ASCC1: variants seen among roughly 807,000 people sequenced by gnomAD.
ASCC1 encodes the protein ASC-1 complex subunit P50.
A neutral mutation model predicts 46.6 loss-of-function variants in ASCC1; 35 were observed. The ratio of observed to expected loss-of-function variants is 0.75; its 90% confidence interval spans 0.57 to 0.99. The LOEUF is 0.99. ASCC1 is among the 50% of genes least tolerant of loss of function. ASCC1 has a pLI of 0.00. For synonymous variants in ASCC1, 143 were observed against 146.6 expected (o/e 0.98, Z 0.18); for missense variants, 376 against 428.7 (o/e 0.88, Z 1.09).
intron 7 of ASCC1, among the ~76,000 whole-genome samples, chr10:72,145,548 G>A (rs1350104648): frequency 6.6e-6 from 1 of 152,180 alleles, no homozygotes; most frequent in Non-Finnish European, 1.5e-5. Flanking sequence ...ATTCCTTAGA[G>A]AAGCTTTCCT....
intron 5 of ASCC1, among the ~76,000 whole-genome samples, chr10:72,162,942 C>CAAAAAAAAA (rs34656757): frequency 1.4e-5 from 2 of 143,590 alleles, no homozygotes; most frequent in Admixed American, 6.8e-5. Context: ...GACTCTGTCT[C>CAAAAAAAAA]AAAAAAAAAG....
intron 5 of ASCC1, among the ~76,000 whole-genome samples, chr10:72,183,044 C>CTTT (rs1359356933): frequency 3.0e-5 from 4 of 135,390 alleles, no homozygotes; most frequent in South Asian, 2.4e-4. Context: ...CAAAAAATTT[C>CTTT]TTTTTTTTTT....
chr10:72,186,884 T>C (rs1489432740), intron 5 of ASCC1, among the ~76,000 whole-genome samples: 3 of 146,468 alleles, frequency 2.0e-5, no homozygotes, highest in Non-Finnish European at 4.5e-5. Flanking sequence ...GTTTGTTCCC[T>C]GTCAGCCATG....
chr10:72,106,339 T>C (rs182153417), intron 9 of ASCC1, among the ~76,000 whole-genome samples: 4 of 152,352 alleles, frequency 2.6e-5, no homozygotes, highest in Admixed American at 2.6e-4. Context: ...AATTCAAGTA[T>C]TTAGAAGGAT....
chr10:72,119,312 T>G (rs955888648), intron 9 of ASCC1, among the ~76,000 whole-genome samples: 1 of 152,216 alleles, frequency 6.6e-6, no homozygotes, highest in African/African-American at 2.4e-5. Flanking sequence ...GGAGAAACTA[T>G]TTTACCAGAG....
intron 7 of ASCC1, among the ~76,000 whole-genome samples, chr10:72,149,002 C>T (rs1444193593): frequency 6.6e-6 from 1 of 152,098 alleles, no homozygotes; most frequent in African/African-American, 2.4e-5. Context: ...ATCAAAACAA[C>T]ATATCACAAT....
At chr10:72,203,300 A>G in intron 4 of ASCC1, 127 bp downstream of exon 4, 1 of 791,170 alleles carries the variant, frequency 1.3e-6, no homozygotes. Context: ...AAAAAAAAAA[A>G]AGAAAAGAAA....
At position 72,156,302 on chromosome 10, in the gene ASCC1, C is replaced by T. The variant is rs147023098; in HGVS notation, c.627-3314G>A. 8.8e-3 allele frequency among the ~76,000 whole-genome samples: 1,340 copies of T among 152,234 alleles called. 16 individuals are homozygous for T. The highest frequency in any genetic ancestry group is 0.031 in the African/African-American group (1,271 of 41,532). On this transcript the variant is annotated intron_variant, in intron 6 of 9. Transcript: ENST00000672957. ...ATAATTGAAGCTTTCTGAGGCCTCCCGAGAAGCCGAGCATGCTTCTTGCAA... is the reference window on the plus strand; with the variant it reads ...ATAATTGAAGCTTTCTGAGGCCTCCTGAGAAGCCGAGCATGCTTCTTGCAA...
At chr10:72,196,761 C>A (rs1195625641) in intron 5 of ASCC1, 50 bp downstream of exon 5, 1 of 1,540,792 alleles carries the variant, frequency 6.5e-7, no homozygotes, top group Non-Finnish European at 8.8e-7. Context: ...TTTTTGTATT[C>A]TTTTTATATT....
intron 2 of ASCC1, among the ~76,000 whole-genome samples, 175 bp from the exon 3 acceptor site, chr10:72,211,006 A>G (rs1858012398): frequency 6.6e-6 from 1 of 152,216 alleles, no homozygotes; most frequent in Admixed American, 6.6e-5. Context: ...ACCCGATCGT[A>G]TAGGAAATAA....
intron 5 of ASCC1, chr10:72,190,661 C>A (rs1484490269): frequency 5.6e-6 from 4 of 708,986 alleles, no homozygotes; most frequent in Non-Finnish European, 9.1e-6. Flanking sequence ...TCTGTTAAAG[C>A]TAGTCTGCAA....
chr10:72,131,354 G>C (rs1845564571), intron 8 of ASCC1, among the ~76,000 whole-genome samples: 1 of 152,006 alleles, frequency 6.6e-6, no homozygotes, highest in Admixed American at 6.6e-5. Context: ...GGGGGGCGGA[G>C]GTTGCAGTGA....
At chr10:72,123,161 C>T (rs1252740751) in intron 9 of ASCC1, among the ~76,000 whole-genome samples, 1 of 151,932 alleles carries the variant, frequency 6.6e-6, no homozygotes, top group Non-Finnish European at 1.5e-5. Context: ...CATGGTGAAA[C>T]CCCGACTCTA....
intron 2 of ASCC1, among the ~76,000 whole-genome samples, chr10:72,211,642 T>G (rs939289564): frequency 2.7e-5 from 4 of 147,806 alleles, no homozygotes; most frequent in African/African-American, 7.9e-5. Flanking sequence ...GCTATCACAG[T>G]GAAACCCCGT....
intron 9 of ASCC1, among the ~76,000 whole-genome samples, chr10:72,108,359 G>T (rs1399200290): frequency 6.6e-6 from 1 of 151,996 alleles, no homozygotes; most frequent in Non-Finnish European, 1.5e-5. Flanking sequence ...TTACAGGCGT[G>T]AGCCACCATG....
chr10:72,169,890 T>C (rs1392637679), intron 5 of ASCC1, among the ~76,000 whole-genome samples: 1 of 152,146 alleles, frequency 6.6e-6, no homozygotes, highest in Non-Finnish European at 1.5e-5. Context: ...GAGGCCAAGA[T>C]GGGCGGATCA....
chr10:72,182,581 G>C (rs1359660240), intron 5 of ASCC1, among the ~76,000 whole-genome samples: 1 of 151,906 alleles, frequency 6.6e-6, no homozygotes, highest in Non-Finnish European at 1.5e-5. Flanking sequence ...ATATATATAA[G>C]GAAAAAAGTC....
intron 7 of ASCC1, among the ~76,000 whole-genome samples, chr10:72,138,735 C>A (rs1429543871): frequency 6.6e-6 from 1 of 151,758 alleles, no homozygotes; most frequent in Non-Finnish European, 1.5e-5. Context: ...CCACACCCAG[C>A]TAATTTTTGT....
chr10:72,103,705 C>T (rs938120197), intron 9 of ASCC1, among the ~76,000 whole-genome samples: 1 of 152,078 alleles, frequency 6.6e-6, no homozygotes, highest in Admixed American at 6.5e-5. Flanking sequence ...GACCCTCATT[C>T]GACAGATACC....
Sources: allele counts gnomAD v4.1 joint callset (sites outside exome capture counted in the v4.1 genomes callset), GRCh38; gene constraint gnomAD v4.1.1; transcripts MANE v1.5; gene names NCBI Gene and HGNC (gene_info 2026-07-23, HGNC 2026-07-21).